The following INPP4B variants were observed in gnomAD, a reference collection of about 807,000 sequenced individuals.
INPP4B encodes inositol polyphosphate-4-phosphatase type II B.
INPP4B carries 55 observed loss-of-function variants against 122.5 expected under a neutral mutation model. The observed-to-expected ratio is 0.45, with a 90% confidence interval of 0.36 to 0.56. The LOEUF is 0.56. INPP4B is among the 20% of genes least tolerant of loss of function. The pLI is 0.00. For missense variants in INPP4B, 1,000 were observed against 1,097.7 expected (o/e 0.91, Z 1.26); for synonymous variants, 403 against 388.7 (o/e 1.04, Z -0.43).
chr4:142,241,389 C>T (rs954589213), intron 11 of INPP4B, among the ~76,000 whole-genome samples: 25 of 152,164 alleles, frequency 1.6e-4, no homozygotes, highest in African/African-American at 6.0e-4. Flanking sequence ...GACACATTCC[C>T]CTTGAGGTCC....
chr4:142,613,292 C>T (rs1330950021), intron 2 of INPP4B, among the ~76,000 whole-genome samples: 1 of 152,142 alleles, frequency 6.6e-6, no homozygotes, highest in Non-Finnish European at 1.5e-5. Context: ...ATAAGCGAAA[C>T]TGATACATAT....
At chr4:142,508,686 T>C (rs1560736845) in intron 2 of INPP4B, among the ~76,000 whole-genome samples, 1 of 152,210 alleles carries the variant, frequency 6.6e-6, no homozygotes, top group African/African-American at 2.4e-5. Context: ...ATAGTTGTGA[T>C]TAGGCAAAAT....
intron 11 of INPP4B, among the ~76,000 whole-genome samples, chr4:142,255,190 A>T (rs1226969003): frequency 6.6e-6 from 1 of 152,002 alleles, no homozygotes; most frequent in Non-Finnish European, 1.5e-5. Flanking sequence ...GCCCTAAAAG[A>T]GCTCCTGAAG....
intron 9 of INPP4B, among the ~76,000 whole-genome samples, chr4:142,272,855 C>G (rs532872927): frequency 2.0e-5 from 3 of 151,898 alleles, no homozygotes; most frequent in Admixed American, 2.0e-4. Flanking sequence ...AAACTAAACA[C>G]GTTTTTCTTC....
chr4:142,298,450 G>T (rs1759799507), intron 9 of INPP4B, among the ~76,000 whole-genome samples: 1 of 129,538 alleles, frequency 7.7e-6, no homozygotes, highest in Non-Finnish European at 1.6e-5. Context: ...ACTTTGGGAG[G>T]CCGAGTTGGG....
intron 1 of INPP4B, among the ~76,000 whole-genome samples, chr4:142,803,485 C>T (rs1431835326): frequency 1.4e-5 from 2 of 139,490 alleles, no homozygotes; most frequent in African/African-American, 5.1e-5. Context: ...CTCTTCTTTA[C>T]ATTTTTTTCA....
At chr4:142,547,362 G>A (rs1175354339) in intron 2 of INPP4B, among the ~76,000 whole-genome samples, 1 of 151,986 alleles carries the variant, frequency 6.6e-6, no homozygotes, top group Non-Finnish European at 1.5e-5. Flanking sequence ...AAGCTCTGGG[G>A]ATCTCACAGA....
chr4:142,311,103 G>C (rs1322054494), intron 8 of INPP4B, among the ~76,000 whole-genome samples: 4 of 152,144 alleles, frequency 2.6e-5, no homozygotes, highest in African/African-American at 4.8e-5. Flanking sequence ...TGTAATGACA[G>C]AGCCATTACT....
intron 2 of INPP4B, among the ~76,000 whole-genome samples, chr4:142,635,189 T>C (rs76013925): frequency 6.6e-6 from 1 of 151,866 alleles, no homozygotes; most frequent in Non-Finnish European, 1.5e-5. Flanking sequence ...ATGGCTATTA[T>C]TAAAAAGTTA....
rs548830686 is a variant in INPP4B at position 142,023,433 on chromosome 4, C to A, written c.*5349G>T. The A allele has an allele frequency of 3.3e-5, 5 of 152,100 alleles. No homozygotes were observed. In the South Asian group the frequency reaches 1.0e-3, roughly 32 times the overall value. 9.4% of individuals were successfully genotyped at this position (152,100 alleles called of 1,614,324 possible). A position where few individuals can be genotyped will look rare whatever the true frequency, so the allele number is the denominator to read the frequency against. On this transcript the variant is annotated 3_prime_UTR_variant, in exon 26 of 26. Transcript: ENST00000262992. The stretch of plus-strand genomic sequence containing the variant: ...TAAATAAAATTATAAAATATCCACA[C>A]GAGAAGTATGTGTATACAAAGTATT...
rs189065433 is a variant in INPP4B at position 142,784,952 on chromosome 4, A to C, written c.-253-59051T>G. Among the ~76,000 whole-genome samples, 105 of 152,240 alleles carry C rather than the reference A, an allele frequency of 6.9e-4. No individual in the cohort carries two copies. The Middle Eastern group carries it at 0.017, about 25-fold the overall frequency. On this transcript the variant is annotated intron_variant, in intron 1 of 25. Transcript: ENST00000262992. ...GAAATACTTGTGGAGGTAACAGCCCAGGTACACAGCCTACTAAAAGACAGA... is the reference window on the plus strand; with the variant it reads ...GAAATACTTGTGGAGGTAACAGCCCCGGTACACAGCCTACTAAAAGACAGA...
intron 2 of INPP4B, among the ~76,000 whole-genome samples, chr4:142,666,106 G>C (rs1025008241): frequency 2.0e-5 from 3 of 152,042 alleles, no homozygotes; most frequent in African/African-American, 7.2e-5. Context: ...TCACAAAAAA[G>C]GGGGACTACT....
chr4:142,649,593 T>C (rs758635925), intron 2 of INPP4B, among the ~76,000 whole-genome samples: 2 of 152,104 alleles, frequency 1.3e-5, no homozygotes, highest in Non-Finnish European at 2.9e-5. Flanking sequence ...CCTGATTTCA[T>C]CAAGTGGAAG....
chr4:142,272,651 T>C (rs1419160472), intron 9 of INPP4B, among the ~76,000 whole-genome samples: 1 of 152,014 alleles, frequency 6.6e-6, no homozygotes, highest in Non-Finnish European at 1.5e-5. Context: ...ATATCAGTTT[T>C]CCAGTGTGTC....
intron 2 of INPP4B, among the ~76,000 whole-genome samples, chr4:142,704,294 C>G (rs1195566098): frequency 1.3e-5 from 2 of 152,094 alleles, no homozygotes; most frequent in Non-Finnish European, 2.9e-5. Flanking sequence ...TAATTTTCAG[C>G]AACAAATCAG....
At chr4:142,499,969 C>G (rs2149815650) in intron 2 of INPP4B, among the ~76,000 whole-genome samples, 1 of 152,228 alleles carries the variant, frequency 6.6e-6, no homozygotes, top group African/African-American at 2.4e-5. Context: ...AGGCCAAATC[C>G]CCTGCCTGGT....
intron 2 of INPP4B, among the ~76,000 whole-genome samples, chr4:142,580,564 C>G (rs1734851449): frequency 6.6e-6 from 1 of 151,952 alleles, no homozygotes. Context: ...TAGTTCTACT[C>G]AGAAAAATGA....
chr4:142,582,455 G>C (rs1214903916), intron 2 of INPP4B, among the ~76,000 whole-genome samples: 1 of 152,068 alleles, frequency 6.6e-6, no homozygotes, highest in Non-Finnish European at 1.5e-5. Context: ...TAATATGCTT[G>C]AACAATATTT....
rs1477607606 is a variant in INPP4B, at chr4:142,112,566, T to C, written c.2252A>G (p.Asn751Ser). The change falls in exon 22 of 26, where the codon AAT (asparagine) becomes AGT (serine). Residue 751 changes from asparagine to serine, a missense_variant. Physicochemically the swap from Asn to Ser is conservative, Grantham distance 46. Transcript: ENST00000262992. ...CCTTTCAGCCAGAGTTTGCTGTTCA[T>C]TGATTCCAACATTAAAAAGTACTGG... Reference protein sequence around the residue: ...VYPVLFNVGINEQQTLAERFG... With the variant: ...VYPVLFNVGISEQQTLAERFG... 1.9e-6 allele frequency: 3 copies of C among 1,613,144 alleles called. No individual in the cohort carries two copies. The highest frequency in any genetic ancestry group is 2.5e-6 in the Non-Finnish European group (3 of 1,179,468).
Sources: allele counts gnomAD v4.1 joint callset (sites outside exome capture counted in the v4.1 genomes callset), GRCh38; gene constraint gnomAD v4.1.1; transcripts MANE v1.5; gene names NCBI Gene and HGNC (gene_info 2026-07-23, HGNC 2026-07-21).